The following NTM variants were observed in gnomAD, a reference collection of about 807,000 sequenced individuals.
NTM encodes IgLON family member 2.
Under a neutral mutation model 42.1 loss-of-function variants are expected in NTM, and 13 were observed. The ratio of observed to expected loss-of-function variants is 0.31; its 90% CI spans 0.20 to 0.49. The LOEUF (loss-of-function observed/expected upper bound fraction) is 0.49. Among genes scored for constraint, NTM ranks in the 20% least tolerant of loss-of-function variants. The pLI, the probability that NTM is intolerant of heterozygous loss-of-function variation, is 0.99. For synonymous variants in NTM, 187 were observed against 179.2 expected (o/e 1.04, Z -0.35); for missense variants, 373 against 452.8 (o/e 0.82, Z 1.60).
At chr11:131,528,335 A>G (rs2050783044) in intron 1 of NTM, among the ~76,000 whole-genome samples, 1 of 150,678 alleles carries the variant, frequency 6.6e-6, no homozygotes. Flanking sequence ...GGCATTTATT[A>G]AGCACTTACT....
At chr11:131,755,275 T>A (rs955151305) in intron 1 of NTM, among the ~76,000 whole-genome samples, 1 of 152,202 alleles carries the variant, frequency 6.6e-6, no homozygotes, top group Admixed American at 6.5e-5. Flanking sequence ...TGAATATTTA[T>A]ATATGAAAGG....
chr11:131,497,011 C>T (rs1199643072), intron 1 of NTM, among the ~76,000 whole-genome samples: 5 of 152,038 alleles, frequency 3.3e-5, no homozygotes, highest in African/African-American at 4.8e-5. Flanking sequence ...AGCAGGAGGT[C>T]GATAATTCAG....
At chr11:131,552,992 C>T (rs1043912137) in intron 1 of NTM, among the ~76,000 whole-genome samples, 1 of 152,094 alleles carries the variant, frequency 6.6e-6, no homozygotes, top group Non-Finnish European at 1.5e-5. Context: ...GCTACAGTGG[C>T]CAGAAAAAGA....
chr11:132,055,297 C>G (rs145042896), intron 2 of NTM, among the ~76,000 whole-genome samples: 20 of 152,286 alleles, frequency 1.3e-4, no homozygotes, highest in South Asian at 1.2e-3. Flanking sequence ...AAGACACTGC[C>G]TCTCCCTTGG....
At chr11:131,525,845 A>ATG (rs113346408) in intron 1 of NTM, among the ~76,000 whole-genome samples, 115 of 151,442 alleles carry the variant, frequency 7.6e-4, no homozygotes, top group South Asian at 6.1e-3. Flanking sequence ...CTTAACAGTA[A>ATG]TGTGTGTGTG....
chr11:131,736,479 C>A (rs771439517), intron 1 of NTM, among the ~76,000 whole-genome samples: 3 of 152,206 alleles, frequency 2.0e-5, no homozygotes, highest in Admixed American at 6.5e-5. Context: ...TTACAAAGCT[C>A]TGTGGTGCCC....
At chr11:131,985,006 T>C (rs1426663789) in intron 2 of NTM, among the ~76,000 whole-genome samples, 1 of 152,158 alleles carries the variant, frequency 6.6e-6, no homozygotes, top group Non-Finnish European at 1.5e-5. Flanking sequence ...TTAATCTTCT[T>C]CCTGACATTT....
intron 1 of NTM, among the ~76,000 whole-genome samples, chr11:131,593,608 C>T (rs978314583): frequency 6.6e-6 from 1 of 152,220 alleles, no homozygotes; most frequent in Non-Finnish European, 1.5e-5. Context: ...GCCGTTATCA[C>T]CTCTGCTTCA....
chr11:132,130,509 T>G (rs184929729), intron 2 of NTM, among the ~76,000 whole-genome samples: 63 of 152,310 alleles, frequency 4.1e-4, no homozygotes, highest in African/African-American at 1.5e-3. Context: ...TCTGCTGAGG[T>G]GAAATACAGC....
intron 1 of NTM, among the ~76,000 whole-genome samples, chr11:131,786,367 C>T (rs2089217013): frequency 6.6e-6 from 1 of 152,108 alleles, no homozygotes; most frequent in Non-Finnish European, 1.5e-5. Flanking sequence ...TCTGTTTTAC[C>T]ATGTTTACGC....
At chr11:131,463,992 G>T (rs573794492) in intron 1 of NTM, among the ~76,000 whole-genome samples, 4 of 152,360 alleles carry the variant, frequency 2.6e-5, no homozygotes, top group Admixed American at 6.5e-5. Context: ...TAAAGTAACA[G>T]CTCTTGTTTC....
intron 1 of NTM, among the ~76,000 whole-genome samples, chr11:131,684,382 A>C (rs2073513892): frequency 6.6e-6 from 1 of 152,174 alleles, no homozygotes; most frequent in Non-Finnish European, 1.5e-5. Context: ...ATAGAAAGGC[A>C]GTTCCCCCAC....
chr11:132,316,647 A>T (rs1457633651), intron 7 of NTM, among the ~76,000 whole-genome samples: 1 of 152,222 alleles, frequency 6.6e-6, no homozygotes, highest in African/African-American at 2.4e-5. Context: ...ATCAGAAACC[A>T]ATTTAATTTG....
chr11:131,611,417 G>T (rs558300256), intron 1 of NTM, among the ~76,000 whole-genome samples: 1 of 152,144 alleles, frequency 6.6e-6, no homozygotes, highest in Non-Finnish European at 1.5e-5. Flanking sequence ...CACGCTACAC[G>T]CTGCATATGA....
chr11:131,596,417 G>C (rs1325293869), intron 1 of NTM, among the ~76,000 whole-genome samples: 3 of 152,244 alleles, frequency 2.0e-5, no homozygotes, highest in Non-Finnish European at 2.9e-5. Flanking sequence ...ACAAATGGCA[G>C]TGGCTGTGCT....
chr11:131,564,947 G>C (rs577288293), intron 1 of NTM, among the ~76,000 whole-genome samples: 21 of 152,222 alleles, frequency 1.4e-4, no homozygotes, highest in Admixed American at 1.3e-3. Flanking sequence ...TGCCCAGGCC[G>C]CAAAGCCCTT....
At chr11:132,290,275 A>G (rs763535842) in intron 4 of NTM, among the ~76,000 whole-genome samples, 21 of 151,038 alleles carry the variant, frequency 1.4e-4, no homozygotes, top group Non-Finnish European at 2.4e-4. Flanking sequence ...TTTTTTTATT[A>G]TCACTGTACA....
intron 1 of NTM, among the ~76,000 whole-genome samples, chr11:131,877,289 A>T (rs693249): frequency 6.6e-6 from 1 of 152,052 alleles, no homozygotes; most frequent in African/African-American, 2.4e-5. Context: ...GTTCAGTGCC[A>T]CCTGCCAGGA....
At chr11:132,308,331 G>A (rs542310471) in intron 5 of NTM, among the ~76,000 whole-genome samples, 74 of 152,196 alleles carry the variant, frequency 4.9e-4, no homozygotes, top group Non-Finnish European at 8.7e-4. Context: ...AAATAGTTAC[G>A]ATATAGATCT....
Sources: allele counts gnomAD v4.1 joint callset (sites outside exome capture counted in the v4.1 genomes callset), GRCh38; gene constraint gnomAD v4.1.1; transcripts MANE v1.5; gene names NCBI Gene and HGNC (gene_info 2026-07-23, HGNC 2026-07-21).